Variants in PSMD14 observed in about 807,000 individuals in gnomAD.
PSMD14 encodes proteasome 26S subunit, non-ATPase 14.
PSMD14 carries 7 observed loss-of-function variants against 41.2 expected under a neutral mutation model. The observed-to-expected ratio is 0.17, with a 90% CI of 0.10 to 0.32. The LOEUF is 0.32. PSMD14 is among the 10% of genes least tolerant of loss of function. The pLI is 1.00. For missense variants in PSMD14, 139 were observed against 375.6 expected (o/e 0.37, Z 5.21); for synonymous variants, 114 against 122.3 (o/e 0.93, Z 0.45).
chr2:161,326,819 C>T (rs998470979), intron 3 of PSMD14, among the ~76,000 whole-genome samples: 7 of 152,128 alleles, frequency 4.6e-5, no homozygotes, highest in African/African-American at 1.2e-4. Context: ...CACAGTCTCT[C>T]GCATACATTA....
intron 3 of PSMD14, among the ~76,000 whole-genome samples, chr2:161,352,709 GCTTT>G (rs966189349): frequency 1.3e-5 from 2 of 151,854 alleles, no homozygotes; most frequent in Non-Finnish European, 2.9e-5. Flanking sequence ...TCTGTGTGGT[GCTTT>G]CTTTTTCTTG....
At chr2:161,316,886 A>G (rs1218676449) in intron 2 of PSMD14, among the ~76,000 whole-genome samples, 3 of 152,168 alleles carry the variant, frequency 2.0e-5, no homozygotes, top group Non-Finnish European at 2.9e-5. Context: ...CATCACTCAT[A>G]TATATTCACA....
intron 3 of PSMD14, among the ~76,000 whole-genome samples, chr2:161,341,520 G>C (rs982164669): frequency 6.6e-6 from 1 of 151,760 alleles, no homozygotes; most frequent in Non-Finnish European, 1.5e-5. Flanking sequence ...TTGAAGACCA[G>C]AGTTTTTAAT....
chr2:161,309,791 CT>C (rs1422216738), intron 1 of PSMD14, among the ~76,000 whole-genome samples: 2 of 152,208 alleles, frequency 1.3e-5, no homozygotes, highest in South Asian at 2.1e-4. Flanking sequence ...GATGCTTCAC[CT>C]GTTGACTTTG....
intron 10 of PSMD14, among the ~76,000 whole-genome samples, chr2:161,406,266 G>A (rs1416706928): frequency 6.6e-6 from 1 of 152,190 alleles, no homozygotes; most frequent in Non-Finnish European, 1.5e-5. Flanking sequence ...ATTTCTTAGA[G>A]CTGTGCAGAC....
intron 7 of PSMD14, among the ~76,000 whole-genome samples, chr2:161,378,246 A>G (rs1158513099): frequency 1.3e-5 from 2 of 152,120 alleles, no homozygotes; most frequent in East Asian, 1.9e-4. Flanking sequence ...TTCACTTTCC[A>G]TATAGCTTTA....
chr2:161,324,955 A>G (rs1311219415), intron 3 of PSMD14, among the ~76,000 whole-genome samples: 2 of 152,190 alleles, frequency 1.3e-5, no homozygotes, highest in African/African-American at 4.8e-5. Flanking sequence ...CCCTGGTAAT[A>G]AACAACATCA....
intron 5 of PSMD14, among the ~76,000 whole-genome samples, chr2:161,368,985 C>A (rs1259366898): frequency 1.3e-5 from 2 of 151,742 alleles, no homozygotes; most frequent in Non-Finnish European, 2.9e-5. Flanking sequence ...ATCTTGATAT[C>A]CATTATATTT....
At chr2:161,379,413 G>A (rs903800324) in intron 7 of PSMD14, among the ~76,000 whole-genome samples, 1 of 151,976 alleles carries the variant, frequency 6.6e-6, no homozygotes, top group Admixed American at 6.6e-5. Flanking sequence ...TTTTAAAAGA[G>A]AGATAATAAC....
intron 10 of PSMD14, among the ~76,000 whole-genome samples, chr2:161,400,388 A>G (rs1048540527): frequency 6.6e-6 from 1 of 152,170 alleles, no homozygotes; most frequent in Non-Finnish European, 1.5e-5. Flanking sequence ...GATCCTTTCC[A>G]TAAGTTCCAC....
chr2:161,314,155 A>G (rs1273062633), intron 1 of PSMD14, among the ~76,000 whole-genome samples: 1 of 152,246 alleles, frequency 6.6e-6, no homozygotes, highest in East Asian at 1.9e-4. Context: ...TTTCTACATT[A>G]TCCATTTCCT....
At position 161,330,714 on chromosome 2, in the gene PSMD14, C is replaced by T. The variant is rs529055256; in HGVS notation, c.48+11841C>T. Among the ~76,000 whole-genome samples the T allele has an allele frequency of 5.9e-5, 9 of 152,318 alleles. No homozygotes were observed. In the South Asian group the frequency reaches 1.2e-3, roughly 21 times the overall value. On this transcript the variant is annotated intron_variant, in intron 3 of 11. Coordinates refer to ENST00000409682, the MANE Select transcript of PSMD14 (RefSeq NM_005805.6). Reference sequence around the variant, plus strand: ...CAGTGGTCTCCACTGGGCAGCCTCTCAGTGCTGCTTTTTAAGCTGTTGCCC... The same window carrying T: ...CAGTGGTCTCCACTGGGCAGCCTCTTAGTGCTGCTTTTTAAGCTGTTGCCC...
intron 7 of PSMD14, among the ~76,000 whole-genome samples, chr2:161,376,968 A>G (rs1022924772): frequency 1.6e-4 from 24 of 151,864 alleles, no homozygotes; most frequent in African/African-American, 4.6e-4. Flanking sequence ...TTAATTTTTT[A>G]TATGTCAGCA....
At chr2:161,408,618 T>G (rs996818791) in intron 10 of PSMD14, 6 of 467,122 alleles carry the variant, frequency 1.3e-5, no homozygotes, top group Non-Finnish European at 2.0e-5. Flanking sequence ...TTCAATACTT[T>G]CTGTGTATTT....
At chr2:161,373,610 T>A (rs1683467989) in intron 7 of PSMD14, among the ~76,000 whole-genome samples, 1 of 151,930 alleles carries the variant, frequency 6.6e-6, no homozygotes, top group Non-Finnish European at 1.5e-5. Context: ...TTTTCCTGCG[T>A]GTGATTTATC....
intron 1 of PSMD14, among the ~76,000 whole-genome samples, chr2:161,310,976 A>G (rs1032888300): frequency 3.9e-5 from 6 of 152,200 alleles, no homozygotes; most frequent in Non-Finnish European, 8.8e-5. Context: ...CCGCATCTGT[A>G]GATTCAACCA....
At chr2:161,318,194 A>C (rs1252823358) in intron 2 of PSMD14, among the ~76,000 whole-genome samples, 1 of 152,202 alleles carries the variant, frequency 6.6e-6, no homozygotes, top group Non-Finnish European at 1.5e-5. Flanking sequence ...GAAACAACAC[A>C]AAATATCTGT....
chr2:161,316,700 T>C (rs1689151803), intron 2 of PSMD14, 131 bp downstream of exon 2: 1 of 152,216 alleles, frequency 6.6e-6, no homozygotes, highest in African/African-American at 2.4e-5. Context: ...TGAAAAGTGG[T>C]GTGATTTAGA....
intron 8 of PSMD14, among the ~76,000 whole-genome samples, chr2:161,390,689 C>A (rs1036219037): frequency 3.9e-5 from 6 of 152,014 alleles, no homozygotes; most frequent in African/African-American, 1.4e-4. Flanking sequence ...AGGGGAATTC[C>A]AGATTAATGT....
Sources: allele counts gnomAD v4.1 joint callset (sites outside exome capture counted in the v4.1 genomes callset), GRCh38; gene constraint gnomAD v4.1.1; transcripts MANE v1.5; gene names NCBI Gene and HGNC (gene_info 2026-07-23, HGNC 2026-07-21).